The following PLPPR1 variants were observed in gnomAD, a reference collection of about 807,000 sequenced individuals.
PLPPR1 encodes phospholipid phosphatase related 1.
PLPPR1 carries 10 observed loss-of-function variants against 33.1 expected under a neutral mutation model. The observed-to-expected ratio is 0.30, with a 90% CI of 0.19 to 0.51. The LOEUF (loss-of-function observed/expected upper bound fraction) is 0.51. Among genes scored for constraint, PLPPR1 ranks in the 20% least tolerant of loss-of-function variants. The pLI, the probability that PLPPR1 is intolerant of heterozygous loss-of-function variation, is 0.97. For missense variants in PLPPR1, 304 were observed against 408.1 expected (o/e 0.74, Z 2.20); for synonymous variants, 151 against 151.0 (o/e 1.00, Z 0.00).
intron 3 of PLPPR1, among the ~76,000 whole-genome samples, 171 bp from the exon 4 acceptor site, chr9:101,285,933 T>C (rs1469727231): frequency 6.6e-6 from 1 of 152,254 alleles, no homozygotes; most frequent in Non-Finnish European, 1.5e-5. Context: ...TATCACTTTC[T>C]CTAATTCTTT....
intron 2 of PLPPR1, among the ~76,000 whole-genome samples, chr9:101,237,155 A>G (rs1827318022): frequency 6.6e-6 from 1 of 151,816 alleles, no homozygotes; most frequent in Admixed American, 6.6e-5. Context: ...CTATTATTAA[A>G]AAGTCAAAAA....
intron 1 of PLPPR1, among the ~76,000 whole-genome samples, chr9:101,140,222 TTC>T (rs1477687430): frequency 8.7e-6 from 1 of 114,976 alleles, no homozygotes; most frequent in Non-Finnish European, 2.1e-5. Context: ...GAAGAATAGA[TTC>T]TGTTTTTTCT....
intron 1 of PLPPR1, among the ~76,000 whole-genome samples, chr9:101,161,294 A>G (rs987226142): frequency 5.3e-5 from 8 of 152,212 alleles, no homozygotes; most frequent in African/African-American, 1.9e-4. Flanking sequence ...CGAGAAGAAT[A>G]TGGACACACA....
chr9:101,183,241 G>T (rs143241527), intron 1 of PLPPR1, among the ~76,000 whole-genome samples: 467 of 151,862 alleles, frequency 3.1e-3, no homozygotes, highest in Middle Eastern at 0.01. Context: ...CCAAATACTG[G>T]ATATAGCCAA....
chr9:101,135,676 C>T (rs185341951), intron 1 of PLPPR1, among the ~76,000 whole-genome samples: 15 of 152,274 alleles, frequency 9.9e-5, no homozygotes, highest in African/African-American at 2.4e-4. Context: ...AGTAGAAAGA[C>T]GTTTCCCTTC....
intron 1 of PLPPR1, among the ~76,000 whole-genome samples, chr9:101,096,135 T>A (rs1319831690): frequency 2.0e-5 from 3 of 152,166 alleles, no homozygotes; most frequent in African/African-American, 7.2e-5. Context: ...TAAACAGTGG[T>A]GTGCTTGGGC....
At chr9:101,237,444 T>C (rs920042620) in intron 2 of PLPPR1, among the ~76,000 whole-genome samples, 1 of 141,742 alleles carries the variant, frequency 7.1e-6, no homozygotes, top group African/African-American at 3.0e-5. Context: ...ACTGATTGAA[T>C]AAAGAAAGGT....
chr9:101,046,136 T>C (rs1489502037), intron 1 of PLPPR1, among the ~76,000 whole-genome samples: 1 of 152,200 alleles, frequency 6.6e-6, no homozygotes, highest in Non-Finnish European at 1.5e-5. Flanking sequence ...AAACACAAAC[T>C]TCACTTTATC....
chr9:101,238,878 T>G (rs190284280), intron 2 of PLPPR1, among the ~76,000 whole-genome samples: 57 of 151,908 alleles, frequency 3.8e-4, no homozygotes, highest in Admixed American at 3.9e-4. Flanking sequence ...AACCAACCTC[T>G]CTTTATCCTC....
intron 1 of PLPPR1, among the ~76,000 whole-genome samples, chr9:101,054,184 A>AAAAAC (rs373556892): frequency 1.6e-4 from 25 of 152,190 alleles, no homozygotes; most frequent in African/African-American, 2.9e-4. Context: ...ACTCCATCTC[A>AAAAAC]AAAACAAAAC....
At chr9:101,134,899 G>A (rs1268801819) in intron 1 of PLPPR1, among the ~76,000 whole-genome samples, 3 of 152,140 alleles carry the variant, frequency 2.0e-5, no homozygotes, top group East Asian at 1.9e-4. Flanking sequence ...ATAGTGGGAC[G>A]TGGGGCTGGG....
chr9:101,197,933 T>C (rs2118741306), intron 2 of PLPPR1, among the ~76,000 whole-genome samples: 1 of 152,248 alleles, frequency 6.6e-6, no homozygotes, highest in Non-Finnish European at 1.5e-5. Context: ...TAATACCCAA[T>C]TGTTTTTACA....
At chr9:101,077,641 T>C (rs992006769) in intron 1 of PLPPR1, among the ~76,000 whole-genome samples, 4 of 151,696 alleles carry the variant, frequency 2.6e-5, no homozygotes, top group Admixed American at 2.6e-4. Flanking sequence ...GAGGAGGGAG[T>C]GAAACTGCAG....
intron 3 of PLPPR1, among the ~76,000 whole-genome samples, chr9:101,283,594 A>T (rs960882108): frequency 6.6e-6 from 1 of 152,238 alleles, no homozygotes; most frequent in Non-Finnish European, 1.5e-5. Flanking sequence ...ATGTCTGGGC[A>T]ATAATTTTCT....
intron 6 of PLPPR1, among the ~76,000 whole-genome samples, chr9:101,316,224 C>G (rs1829047619): frequency 6.6e-6 from 1 of 152,056 alleles, no homozygotes; most frequent in African/African-American, 2.4e-5. Flanking sequence ...ATCATGATGT[C>G]AGGAGATCGA....
chr9:101,197,559 A>C (rs183600083), intron 2 of PLPPR1, among the ~76,000 whole-genome samples: 1 of 152,268 alleles, frequency 6.6e-6, no homozygotes, highest in African/African-American at 2.4e-5. Flanking sequence ...AAGCCAGATA[A>C]CCTCTCCAGT....
intron 1 of PLPPR1, among the ~76,000 whole-genome samples, chr9:101,034,157 AT>A (rs1381922308): frequency 2.6e-5 from 4 of 152,124 alleles, no homozygotes; most frequent in Admixed American, 2.6e-4. Context: ...TCTCAAGTGC[AT>A]TTTTTATCAA....
intron 1 of PLPPR1, among the ~76,000 whole-genome samples, chr9:101,178,579 G>A (rs1026419639): frequency 6.6e-6 from 1 of 152,172 alleles, no homozygotes; most frequent in Non-Finnish European, 1.5e-5. Flanking sequence ...GGCTAAAGAA[G>A]TGCAGCAGTG....
At chr9:101,260,783 A>T (rs1454956819) in intron 2 of PLPPR1, among the ~76,000 whole-genome samples, 3 of 152,162 alleles carry the variant, frequency 2.0e-5, no homozygotes, top group Non-Finnish European at 4.4e-5. Flanking sequence ...ACGAAAAGAG[A>T]TGAGATCTCC....
Sources: gnomAD v4.1 joint callset for allele counts (sites outside exome capture counted in the v4.1 genomes callset) on GRCh38, gnomAD v4.1.1 for gene constraint, MANE v1.5 for transcripts, NCBI Gene and HGNC (gene_info 2026-07-23, HGNC 2026-07-21) for gene names.